The following DMXL2 variants were observed in gnomAD, a reference collection of about 807,000 sequenced individuals.
DMXL2 encodes the protein dmX-like protein 2.
DMXL2 carries 103 observed loss-of-function variants against 331.1 expected under a neutral mutation model. The observed-to-expected ratio is 0.31, with a 90% CI of 0.27 to 0.37. The LOEUF (loss-of-function observed/expected upper bound fraction) is 0.37. Ranked by LOEUF, DMXL2 falls within the 10% of genes least tolerant of loss-of-function variation. DMXL2 has a pLI of 1.00. For synonymous variants in DMXL2, 1,281 were observed against 1,252.1 expected (o/e 1.02, Z -0.49); for missense variants, 3,171 against 3,642.9 (o/e 0.87, Z 3.33).
Position 51,517,063 on chromosome 15 carries a change from C to G in DMXL2, c.2526+15G>C, listed in dbSNP as rs764104999. ...AAAGTATACGAATATCACCAATTCA[C>G]AAGCATGTTTTTACTTGGTTGGTTA... On this transcript the variant is annotated intron_variant, in intron 14 of 43. Coordinates refer to ENST00000560891, the MANE Select transcript of DMXL2 (RefSeq NM_001378457.1). 1.2e-6 allele frequency: 2 copies of G among 1,604,638 alleles called. No homozygotes were observed. Among genetic ancestry groups the G allele is most frequent in the African/African-American group, 2.7e-5 (2 of 74,728 alleles).
At chr15:51,516,611 A>G (rs2047051232) in intron 14 of DMXL2, among the ~76,000 whole-genome samples, 1 of 152,254 alleles carries the variant, frequency 6.6e-6, no homozygotes, top group African/African-American at 2.4e-5. Context: ...TACAAATACA[A>G]TTCAACTGGA....
At chr15:51,567,137 G>A (rs2050344191) in intron 3 of DMXL2, 1 of 145,200 alleles carries the variant, frequency 6.9e-6, no homozygotes, top group Admixed American at 7.4e-5. Context: ...CCACCTCCTG[G>A]GTTCAAGCGA....
Position 51,593,829 on chromosome 15 carries a change from G to A in DMXL2, c.88-17648C>T, listed in dbSNP as rs1385015308. On this transcript the variant is annotated intron_variant, in intron 1 of 43. Transcript: ENST00000560891. ...CCTGAATGACTACTGGGTAAATAAC[G>A]AAATGAAGGCAGAAATAAAGATGTT... Among the ~76,000 whole-genome samples, 9 of 152,262 alleles carry A rather than the reference G, an allele frequency of 5.9e-5. No homozygotes were observed. In the East Asian group the frequency reaches 1.2e-3, roughly 20 times the overall value.
At chr15:51,495,162 AGG>A in intron 18 of DMXL2, 28 bp from the exon 19 acceptor site, 1 of 1,505,868 alleles carries the variant, frequency 6.6e-7, no homozygotes. Context: ...AATATGTTTA[AGG>A]AAAAAAGAAT....
chr15:51,511,354 AT>A (rs1254245921), intron 15 of DMXL2, among the ~76,000 whole-genome samples: 1 of 152,230 alleles, frequency 6.6e-6, no homozygotes, highest in Non-Finnish European at 1.5e-5. Flanking sequence ...CAAGAAAAAA[AT>A]AACCCCATCA....
intron 13 of DMXL2, among the ~76,000 whole-genome samples, chr15:51,525,445 C>A (rs897461321): frequency 5.3e-5 from 8 of 152,112 alleles, no homozygotes; most frequent in African/African-American, 1.7e-4. Context: ...TATCTTGCAT[C>A]TTAGGTACCA....
intron 13 of DMXL2, among the ~76,000 whole-genome samples, chr15:51,521,464 G>GTA (rs1567063016): frequency 1.1e-3 from 54 of 51,320 alleles, no homozygotes; most frequent in African/African-American, 2.7e-3. Flanking sequence ...TAGTAGTAGT[G>GTA]GTAGTGGTAG....
intron 16 of DMXL2, among the ~76,000 whole-genome samples, chr15:51,506,881 T>A (rs1567043355): frequency 6.6e-6 from 1 of 152,202 alleles, no homozygotes; most frequent in South Asian, 2.1e-4. Context: ...ACTCAATAAA[T>A]ATTCACTGAA....
Position 51,448,661 on chromosome 15 carries a change from A to T in DMXL2, c.*323T>A. The T allele has an allele frequency of 3.2e-6, 1 of 310,066 alleles. No homozygotes were observed. The allele number at this position is 310,066 out of a possible 1,614,324, so 19.2% of individuals were successfully genotyped here. A position where few individuals can be genotyped will look rare whatever the true frequency, so the allele number is the denominator to read the frequency against. ...CAAATCAGCAACATTTTCTTCCTTA[A>T]TTTGGTATAAACGTCCTTTTCATTA... On this transcript the variant is annotated 3_prime_UTR_variant, in exon 44 of 44. Transcript: ENST00000560891.
chr15:51,547,095 G>A (rs991039047), intron 7 of DMXL2, 135 bp downstream of exon 7: 2 of 742,210 alleles, frequency 2.7e-6, no homozygotes, highest in African/African-American at 3.7e-5. Context: ...GCTAATAGTA[G>A]GATTTGATTT....
At chr15:51,605,517 CTTTTTTTTTTTTTTTTTTTTTT>C (rs58113467) in intron 1 of DMXL2, among the ~76,000 whole-genome samples, 550 of 22,244 alleles carry the variant, frequency 0.025, 112 homozygotes, top group Admixed American at 0.14. Context: ...GATTAATATT[CTTTTTTTTTTTTTTTTTTTTTT>C]TTTTTTTTTT....
At chr15:51,619,971 T>G (rs1248363028) in intron 1 of DMXL2, among the ~76,000 whole-genome samples, 1 of 152,224 alleles carries the variant, frequency 6.6e-6, no homozygotes, top group Non-Finnish European at 1.5e-5. Context: ...GATCCAGAAC[T>G]AAAGTTTCTT....
chr15:51,548,879 G>A (rs893805341), intron 6 of DMXL2, among the ~76,000 whole-genome samples: 2 of 151,796 alleles, frequency 1.3e-5, no homozygotes, highest in African/African-American at 4.8e-5. Context: ...TCAAAAGGGG[G>A]AGTTGCAGTT....
chr15:51,563,041 T>C (rs373091795), intron 6 of DMXL2, among the ~76,000 whole-genome samples: 1 of 152,206 alleles, frequency 6.6e-6, no homozygotes, highest in East Asian at 1.9e-4. Context: ...AGCGTTGGAA[T>C]AATGAGGCAA....
At chr15:51,512,680 C>T (rs190481873) in intron 15 of DMXL2, among the ~76,000 whole-genome samples, 1 of 152,064 alleles carries the variant, frequency 6.6e-6, no homozygotes, top group East Asian at 1.9e-4. Flanking sequence ...GGTGGGCTTA[C>T]AGCCGAGTAG....
chr15:51,593,129 AAAGAGTC>A (rs1283384509), intron 1 of DMXL2, among the ~76,000 whole-genome samples: 9 of 152,234 alleles, frequency 5.9e-5, no homozygotes, highest in African/African-American at 2.2e-4. Context: ...CAAATTGGAT[AAAGAGTC>A]AAGACCCATC....
chr15:51,453,303 T>C (rs2039319823), intron 41 of DMXL2: 1 of 306,826 alleles, frequency 3.3e-6, no homozygotes, highest in South Asian at 6.4e-5. Context: ...AAACTAACAG[T>C]GTTAACAGTA....
chr15:51,532,703 C>G (rs58065598), intron 13 of DMXL2, among the ~76,000 whole-genome samples: 1 of 152,098 alleles, frequency 6.6e-6, no homozygotes, highest in Non-Finnish European at 1.5e-5. Flanking sequence ...AAACCTGCAA[C>G]TAACATTATA....
chr15:51,500,295 T>C, intron 17 of DMXL2, 64 bp from the exon 18 acceptor site: 1 of 1,437,534 alleles, frequency 7.0e-7, no homozygotes, highest in Non-Finnish European at 9.3e-7. Context: ...AATATGGTAG[T>C]AATCAAATTC....
Sources: allele counts gnomAD v4.1 joint callset (sites outside exome capture counted in the v4.1 genomes callset), GRCh38; gene constraint gnomAD v4.1.1; transcripts MANE v1.5; gene names NCBI Gene and HGNC (gene_info 2026-07-23, HGNC 2026-07-21).